The following FAM222A variants were observed in gnomAD, a reference collection of about 807,000 sequenced individuals.
FAM222A encodes the protein family with sequence similarity 222 member A, also known as protein FAM222A.
FAM222A carries 7 observed loss-of-function variants against 25.8 expected under a neutral mutation model. The observed-to-expected ratio is 0.27, with a 90% CI of 0.15 to 0.51. FAM222A has a LOEUF of 0.51. Among genes scored for constraint, FAM222A ranks in the 20% least tolerant of loss-of-function variants. The pLI, the probability that FAM222A is intolerant of heterozygous loss-of-function variation, is 0.97. For synonymous variants in FAM222A, 294 were observed against 298.8 expected (o/e 0.98, Z 0.17); for missense variants, 573 against 640.5 (o/e 0.89, Z 1.14).
intron 2 of FAM222A, among the ~76,000 whole-genome samples, chr12:109,765,151 C>T (rs192575424): frequency 2.8e-4 from 42 of 152,370 alleles, no homozygotes; most frequent in Admixed American, 2.7e-3. Flanking sequence ...CTGCTTAAAA[C>T]CTCCCATGGC....
At chr12:109,741,725 G>A (rs1888244816) in intron 1 of FAM222A, among the ~76,000 whole-genome samples, 1 of 152,234 alleles carries the variant, frequency 6.6e-6, no homozygotes. Flanking sequence ...GGATCATGGA[G>A]CCACTGTTAC....
intron 1 of FAM222A, among the ~76,000 whole-genome samples, chr12:109,739,341 G>A (rs1436884351): frequency 6.6e-6 from 1 of 152,212 alleles, no homozygotes; most frequent in African/African-American, 2.4e-5. Context: ...TTTATTGGGA[G>A]GTCAGTTCTG....
chr12:109,742,693 C>A (rs913127683), intron 1 of FAM222A, among the ~76,000 whole-genome samples: 14 of 148,362 alleles, frequency 9.4e-5, no homozygotes, highest in African/African-American at 3.2e-4. Context: ...GAAATCATTT[C>A]TTTCAGGGTA....
chr12:109,734,159 G>A (rs970730160), intron 1 of FAM222A: 9 of 146,524 alleles, frequency 6.1e-5, no homozygotes, highest in Non-Finnish European at 1.2e-4. Flanking sequence ...AGTGAGCCAT[G>A]ATCATGCCAC....
chr12:109,758,865 C>G (rs1406505118), intron 2 of FAM222A, among the ~76,000 whole-genome samples: 1 of 152,116 alleles, frequency 6.6e-6, no homozygotes, highest in Non-Finnish European at 1.5e-5. Context: ...CTTGCTCCCC[C>G]ATTTCAACAC....
intron 2 of FAM222A, among the ~76,000 whole-genome samples, chr12:109,752,486 G>A (rs1189541878): frequency 2.0e-5 from 3 of 152,172 alleles, no homozygotes; most frequent in Non-Finnish European, 4.4e-5. Context: ...TGTCCCTGTT[G>A]CCCCTGGGCA....
intron 1 of FAM222A, among the ~76,000 whole-genome samples, chr12:109,721,385 G>A (rs874114): frequency 4.0e-5 from 6 of 150,218 alleles, no homozygotes; most frequent in East Asian, 2.0e-4. Context: ...ACTCAGCCGC[G>A]TCCTTCATAA....
chr12:109,757,046 C>CTCAAGTTAGT (rs1472326999), intron 2 of FAM222A, among the ~76,000 whole-genome samples: 1 of 152,136 alleles, frequency 6.6e-6, no homozygotes, highest in Non-Finnish European at 1.5e-5. Context: ...TTTTCAATTT[C>CTCAAGTTAGT]TCAAGTTAGT....
intron 1 of FAM222A, among the ~76,000 whole-genome samples, chr12:109,740,935 G>A (rs993408097): frequency 5.3e-5 from 8 of 152,324 alleles, no homozygotes; most frequent in Admixed American, 2.0e-4. Context: ...TCAGGGTCAC[G>A]GTGCCGTAGG....
intron 2 of FAM222A, among the ~76,000 whole-genome samples, chr12:109,767,642 C>T (rs544273129): frequency 1.3e-5 from 2 of 152,308 alleles, no homozygotes; most frequent in East Asian, 1.9e-4. Flanking sequence ...CAAATGAGTA[C>T]ATACTGTAGA....
intron 2 of FAM222A, among the ~76,000 whole-genome samples, chr12:109,761,398 C>T (rs938925618): frequency 8.5e-5 from 13 of 152,182 alleles, no homozygotes; most frequent in African/African-American, 2.2e-4. Context: ...GGGAGCTGTG[C>T]GCCCCTCCCC....
chr12:109,720,478 T>G (rs1887727602), intron 1 of FAM222A, among the ~76,000 whole-genome samples: 1 of 152,220 alleles, frequency 6.6e-6, no homozygotes, highest in South Asian at 2.1e-4. Flanking sequence ...CCTCCTGGCA[T>G]GAAATCCCCA....
intron 1 of FAM222A, among the ~76,000 whole-genome samples, chr12:109,719,380 C>T (rs943926278): frequency 1.3e-5 from 2 of 152,292 alleles, no homozygotes; most frequent in Non-Finnish European, 2.9e-5. Flanking sequence ...GTTCCAGCTT[C>T]CCACTCCTCT....
chr12:109,765,690 G>T (rs952620165), intron 2 of FAM222A, among the ~76,000 whole-genome samples: 19 of 152,310 alleles, frequency 1.2e-4, no homozygotes, highest in African/African-American at 4.3e-4. Flanking sequence ...AGCCCACGAG[G>T]TGTCAGGGAC....
At position 109,768,197 on chromosome 12, in the gene FAM222A, A is replaced by G; in HGVS notation, c.268A>G (p.Ser90Gly). The G allele has an allele frequency of 6.2e-7, 1 of 1,613,288 alleles. No individual in the cohort carries two copies. The change falls in exon 3 of 3, where the codon AGC (serine) becomes GGC (glycine). Residue 90 changes from serine (S) to glycine (G), a missense_variant. Coordinates refer to ENST00000538780, the MANE Select transcript of FAM222A (RefSeq NM_032829.3). ...CTATGACACCAGTGGCCAGCGCTACAGCCCCTACCCACAGCACACCGCTGG... is the reference window on the plus strand; with the variant it reads ...CTATGACACCAGTGGCCAGCGCTACGGCCCCTACCCACAGCACACCGCTGG... ...NGYDTSGQRY[S>G]PYPQHTAGYQ...
chr12:109,761,898 C>T (rs961230208), intron 2 of FAM222A, among the ~76,000 whole-genome samples: 1 of 152,144 alleles, frequency 6.6e-6, no homozygotes, highest in Non-Finnish European at 1.5e-5. Context: ...GCCCTGAAGC[C>T]TGCCGGTTTG....
intron 2 of FAM222A, among the ~76,000 whole-genome samples, chr12:109,745,909 T>C (rs2136348819): frequency 6.9e-6 from 1 of 144,600 alleles, no homozygotes; most frequent in East Asian, 2.0e-4. Flanking sequence ...CCTTGGCTCC[T>C]TTTTTTTTTT....
chr12:109,723,051 A>G (rs978835849), intron 1 of FAM222A, among the ~76,000 whole-genome samples: 2 of 151,918 alleles, frequency 1.3e-5, no homozygotes, highest in East Asian at 1.9e-4. Context: ...TCAGGGAACA[A>G]TTATTAGCGA....
rs533400429 is a variant in FAM222A at position 109,744,292 on chromosome 12, C to A, written c.82+64C>A. On this transcript the variant is annotated intron_variant, in intron 2 of 2. Transcript: ENST00000538780. ...GTGGGCAGAGAACGCCATTCACCCCCCAGGATGTCCACCTACCATGGCCCT... is the reference window on the plus strand; with the variant it reads ...GTGGGCAGAGAACGCCATTCACCCCACAGGATGTCCACCTACCATGGCCCT... 1.1e-5 allele frequency: 17 copies of A among 1,543,428 alleles called. No individual in the cohort carries two copies. In the East Asian group the frequency reaches 1.9e-4, roughly 17 times the overall value.
Sources: gnomAD v4.1 joint callset for allele counts (sites outside exome capture counted in the v4.1 genomes callset) on GRCh38, gnomAD v4.1.1 for gene constraint, MANE v1.5 for transcripts, NCBI Gene and HGNC (gene_info 2026-07-23, HGNC 2026-07-21) for gene names.